BICC1: variants seen among roughly 807,000 people sequenced by gnomAD.
The protein encoded by BICC1 is protein bicaudal C homolog 1.
Under a neutral mutation model 111.0 loss-of-function variants are expected in BICC1, and 43 were observed. That is an observed-to-expected ratio of 0.39 (90% CI 0.30 to 0.50). The LOEUF (loss-of-function observed/expected upper bound fraction) is 0.50, where lower values mean the gene tolerates loss of function less well. Ranked by LOEUF, BICC1 falls within the 20% of genes least tolerant of loss-of-function variation. The pLI is 0.88. For missense variants in BICC1, 1,091 were observed against 1,203.2 expected, an observed-to-expected ratio of 0.91 and a Z score of 1.38; for synonymous variants, 467 against 434.4, an observed-to-expected ratio of 1.07 and a Z score of -0.93.
chr10:58,566,203 C>G (rs1051624201), intron 1 of BICC1, among the ~76,000 whole-genome samples: 2 of 150,500 alleles, frequency 1.3e-5, no homozygotes, highest in Non-Finnish European at 2.9e-5. Context: ...TGTGTATACA[C>G]ATGTACACAC....
At chr10:58,536,087 C>A (rs1200992434) in intron 1 of BICC1, among the ~76,000 whole-genome samples, 1 of 151,344 alleles carries the variant, frequency 6.6e-6, no homozygotes, top group Non-Finnish European at 1.5e-5. Flanking sequence ...AAGCAACTAC[C>A]ACTAGACCTA....
chr10:58,692,895 T>C (rs1032168471), intron 2 of BICC1, among the ~76,000 whole-genome samples: 5 of 151,944 alleles, frequency 3.3e-5, no homozygotes, highest in African/African-American at 9.7e-5. Context: ...AGTTTTAGGG[T>C]ACATGTGCAC....
intron 2 of BICC1, among the ~76,000 whole-genome samples, chr10:58,663,530 A>G (rs1838913383): frequency 6.6e-6 from 1 of 152,186 alleles, no homozygotes. Context: ...TGGGTCACAC[A>G]GCAGGAGGTG....
intron 1 of BICC1, among the ~76,000 whole-genome samples, chr10:58,561,561 A>G (rs1843605191): frequency 6.6e-6 from 1 of 152,072 alleles, no homozygotes; most frequent in Admixed American, 6.5e-5. Flanking sequence ...ATTCAGGATT[A>G]CTATTGATAG....
chr10:58,665,750 A>G (rs16912475), intron 2 of BICC1, among the ~76,000 whole-genome samples: 38,323 of 152,034 alleles, frequency 0.25, 6,092 homozygotes, highest in African/African-American at 0.45. Flanking sequence ...ATTTTTTAAA[A>G]CCCACGCTGT....
chr10:58,663,078 T>A (rs1277788930), intron 2 of BICC1, among the ~76,000 whole-genome samples: 1 of 148,242 alleles, frequency 6.7e-6, no homozygotes, highest in Non-Finnish European at 1.5e-5. Context: ...TTTTTTTTTT[T>A]TTTTTTGAGA....
At chr10:58,517,500 T>G (rs1030443417) in intron 1 of BICC1, among the ~76,000 whole-genome samples, 5 of 152,154 alleles carry the variant, frequency 3.3e-5, no homozygotes, top group African/African-American at 1.2e-4. Flanking sequence ...GGAAGAAATA[T>G]GAAGCCAAAA....
At chr10:58,663,354 A>C (rs530279329) in intron 2 of BICC1, among the ~76,000 whole-genome samples, 2 of 152,058 alleles carry the variant, frequency 1.3e-5, no homozygotes, top group Non-Finnish European at 2.9e-5. Flanking sequence ...GGTGTGAATC[A>C]CCACATCCGG....
In BICC1 at chr10:58,807,005, T is replaced by C. The variant is rs1843729040; in HGVS notation, c.2223T>C (p.Ala741=). ...ATTGGTTTTATTTTGTTTCCAAAGC[T>C]ATGTTAAAGAAACCAGTGGTGACGG... ...YEQKKLLATK[A]MLKKPVVTEV... is the part of the protein sequence containing the mutation. The change falls in exon 17 of 21, where the codon GCT becomes GCC. Residue 741 remains alanine, a splice_region_variant and synonymous_variant. Coordinates refer to ENST00000373886, the MANE Select transcript of BICC1 (RefSeq NM_001080512.3). 26 of 1,610,436 alleles carry C rather than the reference T, an allele frequency of 1.6e-5. No homozygotes were observed. Among genetic ancestry groups the C allele is most frequent in the Non-Finnish European group, 2.1e-5 (25 of 1,178,566 alleles).
rs541388653 is a variant in BICC1, at chr10:58,798,354, A to G, written c.1367-45A>G. On this transcript the variant is annotated intron_variant, in intron 10 of 20. Transcript: ENST00000373886. The stretch of plus-strand genomic sequence containing the variant: ...ATATTGGTGCCATCTCTATTTTAAA[A>G]TCTTAAATTTATGTGAATTGACTTT... 2.8e-6 allele frequency: 4 copies of G among 1,437,666 alleles called. No individual in the cohort carries two copies. The South Asian group carries it at 4.4e-5, about 16-fold the overall frequency. The allele number at this position is 1,437,666 out of a possible 1,614,324, so 89.1% of individuals were successfully genotyped here. A position where few individuals can be genotyped will look rare whatever the true frequency, so the allele number is the denominator to read the frequency against.
At chr10:58,736,923 AATTTTATTTTATTTTATTTT>A (rs1011326715) in intron 3 of BICC1, among the ~76,000 whole-genome samples, 2 of 152,142 alleles carry the variant, frequency 1.3e-5, no homozygotes, top group Non-Finnish European at 2.9e-5. Context: ...AAATAGAACT[AATTTTATTTTATTTTATTTT>A]ATTTTTTTGT....
At chr10:58,585,022 G>T (rs2132022889) in intron 1 of BICC1, among the ~76,000 whole-genome samples, 1 of 152,046 alleles carries the variant, frequency 6.6e-6, no homozygotes, top group Middle Eastern at 3.4e-3. Context: ...TTCACTTTAG[G>T]TTTCTAATTT....
intron 1 of BICC1, among the ~76,000 whole-genome samples, chr10:58,587,397 GGAA>G (rs544693434): frequency 1.2e-4 from 18 of 152,052 alleles, no homozygotes; most frequent in Non-Finnish European, 1.8e-4. Flanking sequence ...GATGCTTTAT[GGAA>G]AAGAAAGCTA....
chr10:58,749,008 T>C (rs1208852122), intron 3 of BICC1, among the ~76,000 whole-genome samples: 3 of 152,170 alleles, frequency 2.0e-5, no homozygotes, highest in Non-Finnish European at 4.4e-5. Context: ...AGTTGTCTAC[T>C]TAATACTCAG....
chr10:58,609,458 G>A (rs939588827), intron 1 of BICC1, among the ~76,000 whole-genome samples: 5 of 152,188 alleles, frequency 3.3e-5, no homozygotes, highest in African/African-American at 1.2e-4. Context: ...TAGCGGTGCT[G>A]TACAATGGAA....
intron 3 of BICC1, among the ~76,000 whole-genome samples, chr10:58,777,859 G>A (rs1243495387): frequency 1.3e-5 from 2 of 152,024 alleles, no homozygotes; most frequent in Non-Finnish European, 2.9e-5. Context: ...ATTTGTTTTT[G>A]CACTGCTTGC....
chr10:58,713,845 C>G (rs1356033644), intron 3 of BICC1, among the ~76,000 whole-genome samples: 54 of 152,138 alleles, frequency 3.5e-4, no homozygotes, highest in Non-Finnish European at 1.3e-4. Flanking sequence ...TATTCTTGTT[C>G]TTCATGGTAT....
At chr10:58,540,272 C>A (rs1472309542) in intron 1 of BICC1, among the ~76,000 whole-genome samples, 1 of 148,568 alleles carries the variant, frequency 6.7e-6, no homozygotes, top group African/African-American at 2.5e-5. Context: ...AAATTAGAGT[C>A]CAAATAAATG....
intron 1 of BICC1, among the ~76,000 whole-genome samples, chr10:58,554,961 AGAACATATTAAATGTATAAAGTCT>A (rs1843402736): frequency 1.3e-5 from 2 of 151,894 alleles, no homozygotes; most frequent in Admixed American, 1.3e-4. Context: ...TGACTGATCA[AGAACATATTAAATGTATAAAGTCT>A]GAGCTTGTTA....
Sources: gnomAD v4.1 joint callset for allele counts (sites outside exome capture counted in the v4.1 genomes callset) on GRCh38, gnomAD v4.1.1 for gene constraint, MANE v1.5 for transcripts, NCBI Gene and HGNC (gene_info 2026-07-23, HGNC 2026-07-21) for gene names.